FRAS1: variants seen among roughly 807,000 people sequenced by gnomAD.
The protein encoded by FRAS1 is extracellular matrix organizing protein FRAS1.
In FRAS1, 290 loss-of-function variants were observed where a neutral mutation model predicts 435.2. The ratio of observed to expected loss-of-function variants is 0.67; its 90% CI spans 0.61 to 0.73. The LOEUF (loss-of-function observed/expected upper bound fraction) is 0.73, where lower values mean the gene tolerates loss of function less well. Among genes scored for constraint, FRAS1 ranks in the 30% least tolerant of loss-of-function variants. The pLI is 0.00. For synonymous variants in FRAS1, 1,800 were observed against 1,851.0 expected (o/e 0.97, Z 0.71); for missense variants, 4,860 against 5,001.5 (o/e 0.97, Z 0.85).
chr4:78,138,163 T>C (rs1720004748), intron 2 of FRAS1, among the ~76,000 whole-genome samples: 1 of 152,182 alleles, frequency 6.6e-6, no homozygotes, highest in African/African-American at 2.4e-5. Flanking sequence ...TCCAGTGGCA[T>C]TGGAGGCTCT....
intron 1 of FRAS1, among the ~76,000 whole-genome samples, chr4:78,065,501 A>G (rs1306335646): frequency 6.6e-6 from 1 of 152,126 alleles, no homozygotes; most frequent in Non-Finnish European, 1.5e-5. Context: ...GATCAAGTTC[A>G]AAGAGCTTGA....
intron 71 of FRAS1, 31 bp downstream of exon 71, chr4:78,534,646 G>T (rs1333475641): frequency 1.2e-6 from 2 of 1,602,722 alleles, no homozygotes; most frequent in Non-Finnish European, 1.7e-6. Flanking sequence ...GCAGAAAGAG[G>T]CTCTGCCTGG....
chr4:78,170,367 G>A (rs143546389), intron 2 of FRAS1, among the ~76,000 whole-genome samples: 15 of 152,198 alleles, frequency 9.9e-5, no homozygotes, highest in Admixed American at 7.8e-4. Flanking sequence ...GCCAACAACC[G>A]GTAGTGATAT....
In FRAS1 at chr4:78,408,752, G is replaced by A. The variant is rs1037492739; in HGVS notation, c.4308+911G>A. On this transcript the variant is annotated intron_variant, in intron 31 of 73. Transcript: ENST00000512123. The stretch of plus-strand genomic sequence containing the variant: ...ATATCAGATAGGTAGCATTATATAA[G>A]GGTTTGTTATTACCATTTATAAAAA... 4.6e-5 allele frequency among the ~76,000 whole-genome samples: 7 copies of A among 152,156 alleles called. No homozygotes were observed. In the South Asian group the frequency reaches 1.0e-3, roughly 23 times the overall value.
intron 20 of FRAS1, among the ~76,000 whole-genome samples, chr4:78,342,358 G>GA (rs905152947): frequency 1.3e-5 from 2 of 152,168 alleles, no homozygotes; most frequent in African/African-American, 4.8e-5. Context: ...CTCACATATG[G>GA]AGATGTCATA....
At chr4:78,261,247 C>A (rs1443190031) in intron 6 of FRAS1, among the ~76,000 whole-genome samples, 1 of 151,962 alleles carries the variant, frequency 6.6e-6, no homozygotes, top group Non-Finnish European at 1.5e-5. Context: ...TTTTTTATTG[C>A]TTCCTGCTTC....
At chr4:78,519,005 T>C (rs946199022) in intron 66 of FRAS1, among the ~76,000 whole-genome samples, 1 of 152,138 alleles carries the variant, frequency 6.6e-6, no homozygotes, top group African/African-American at 2.4e-5. Context: ...TTGAGAATAA[T>C]TGTGATATTC....
chr4:78,334,033 C>G (rs755558513), intron 19 of FRAS1, among the ~76,000 whole-genome samples: 1 of 152,182 alleles, frequency 6.6e-6, no homozygotes, highest in African/African-American at 2.4e-5. Context: ...AAGTGATCCT[C>G]CCACCTTGGC....
chr4:78,334,651 G>A (rs1349645269), intron 19 of FRAS1, among the ~76,000 whole-genome samples: 3 of 152,102 alleles, frequency 2.0e-5, no homozygotes, highest in African/African-American at 4.8e-5. Flanking sequence ...TTACAGGCAT[G>A]AGCCACCATG....
In FRAS1 at chr4:78,256,344, A is replaced by G. The variant is rs1171337360; in HGVS notation, c.603+969A>G. On this transcript the variant is annotated intron_variant, in intron 6 of 73. Transcript: ENST00000512123. The stretch of plus-strand genomic sequence containing the variant: ...CCATATCCTTGCTTTAAGATGGCAG[A>G]TGAGCTTGTTCATAGAGTTGCACAG... Among the ~76,000 whole-genome samples, 6 of 152,326 alleles carry G rather than the reference A, an allele frequency of 3.9e-5. No individual in the cohort carries two copies. In the East Asian group the frequency reaches 1.2e-3, roughly 29 times the overall value.
chr4:78,398,310 G>A (rs189249385), intron 29 of FRAS1, among the ~76,000 whole-genome samples: 1 of 152,322 alleles, frequency 6.6e-6, no homozygotes, highest in East Asian at 1.9e-4. Flanking sequence ...TCATGCGTTA[G>A]TATGTCTGCA....
At chr4:78,540,231 C>T (rs527970323) in intron 73 of FRAS1, among the ~76,000 whole-genome samples, 174 of 152,162 alleles carry the variant, frequency 1.1e-3, no homozygotes, top group African/African-American at 3.6e-3. Context: ...TAAAGACAGA[C>T]AAATATAAGC....
intron 2 of FRAS1, among the ~76,000 whole-genome samples, chr4:78,143,056 A>G (rs1720259840): frequency 6.6e-6 from 1 of 152,202 alleles, no homozygotes; most frequent in South Asian, 2.1e-4. Flanking sequence ...CTTTCAAAAG[A>G]CAAAGTTTAT....
intron 2 of FRAS1, among the ~76,000 whole-genome samples, chr4:78,134,767 C>A (rs1397347393): frequency 6.6e-6 from 1 of 152,074 alleles, no homozygotes; most frequent in East Asian, 1.9e-4. Flanking sequence ...TATGCATTAT[C>A]TCATTTAATT....
At chr4:78,117,974 G>T (rs542095813) in intron 2 of FRAS1, among the ~76,000 whole-genome samples, 5 of 152,214 alleles carry the variant, frequency 3.3e-5, no homozygotes, top group African/African-American at 1.2e-4. Flanking sequence ...TCTACCTTTG[G>T]TCTTTGATGA....
At chr4:78,328,403 T>C (rs77130705) in intron 18 of FRAS1, among the ~76,000 whole-genome samples, 23,581 of 152,180 alleles carry the variant, frequency 0.15, 2,009 homozygotes, top group Non-Finnish European at 0.2. Context: ...ATCAGACATA[T>C]ATTTAGGTGT....
chr4:78,234,584 A>T (rs1435641969), intron 2 of FRAS1, among the ~76,000 whole-genome samples: 2 of 152,160 alleles, frequency 1.3e-5, no homozygotes, highest in African/African-American at 4.8e-5. Context: ...TAGTTACACT[A>T]TTGCCAATTT....
chr4:78,335,939 AC>A (rs1730155518), intron 19 of FRAS1, among the ~76,000 whole-genome samples: 2 of 151,560 alleles, frequency 1.3e-5, no homozygotes, highest in Admixed American at 6.6e-5. Flanking sequence ...AGGAAAAAAA[AC>A]ATTCTATCAT....
intron 2 of FRAS1, among the ~76,000 whole-genome samples, chr4:78,081,812 C>T (rs78337198): frequency 1.5e-3 from 232 of 152,202 alleles, no homozygotes; most frequent in African/African-American, 5.3e-3. Flanking sequence ...CCTAAGAAAG[C>T]TTCCTTCTTT....
Sources: allele counts gnomAD v4.1 joint callset (sites outside exome capture counted in the v4.1 genomes callset), GRCh38; gene constraint gnomAD v4.1.1; transcripts MANE v1.5; gene names NCBI Gene and HGNC (gene_info 2026-07-23, HGNC 2026-07-21).